The following BCAS4 variants were observed in gnomAD, a reference collection of about 807,000 sequenced individuals.
BCAS4 encodes breast carcinoma-amplified sequence 4.
BCAS4 carries 9 observed loss-of-function variants against 15.7 expected under a neutral mutation model. That is an observed-to-expected ratio of 0.57 (90% CI 0.34 to 1.00). BCAS4 has a LOEUF of 1.00. BCAS4 is among the 50% of genes least tolerant of loss of function. BCAS4 has a pLI of 0.02. For missense variants in BCAS4, 225 were observed against 239.1 expected (o/e 0.94, Z 0.39); for synonymous variants, 101 against 99.5 (o/e 1.02, Z -0.09).
chr20:50,844,756 C>T (rs76528625), intron 4 of BCAS4, among the ~76,000 whole-genome samples: 79 of 149,938 alleles, frequency 5.3e-4, no homozygotes, highest in African/African-American at 4.5e-4. Flanking sequence ...CATCCCCCCC[C>T]GGGGTGTGGC....
chr20:50,878,954 C>T (rs1231454136), downstream of BCAS4: 1 of 151,526 alleles, frequency 6.6e-6, no homozygotes, highest in Non-Finnish European at 1.5e-5. Flanking sequence ...ACCCCCACCC[C>T]AGGCTGACAG....
chr20:50,799,238 A>G (rs1289385418), intron 1 of BCAS4, among the ~76,000 whole-genome samples: 1 of 151,820 alleles, frequency 6.6e-6, no homozygotes, highest in East Asian at 1.9e-4. Context: ...TATTCATTTC[A>G]TTTTCTCACT....
At chr20:50,831,155 G>A (rs975856456) in intron 3 of BCAS4, among the ~76,000 whole-genome samples, 1 of 152,142 alleles carries the variant, frequency 6.6e-6, no homozygotes, top group Admixed American at 6.5e-5. Context: ...GAGGCTGGGC[G>A]CAGTGGCTCA....
At chr20:50,818,027 C>T (rs937054852) in intron 1 of BCAS4, among the ~76,000 whole-genome samples, 184 bp from the exon 2 acceptor site, 1 of 151,828 alleles carries the variant, frequency 6.6e-6, no homozygotes, top group African/African-American at 2.4e-5. Flanking sequence ...ACCAGTCCTC[C>T]GTGATGGGCG....
chr20:50,803,425 A>G (rs1011403870), intron 1 of BCAS4, among the ~76,000 whole-genome samples: 2 of 152,162 alleles, frequency 1.3e-5, no homozygotes, highest in Non-Finnish European at 2.9e-5. Context: ...ATGCATCTAT[A>G]AACAGGAGAT....
rs148492215 is a variant in BCAS4, at chr20:50,871,307, G to A, written c.400-5179G>A. ...GCCATGATAGTCCAAGAGAGAACGG[G>A]TGTGAAAGTGGTTTCCATGGCATGC... On this transcript the variant is annotated intron_variant, in intron 4 of 4. Coordinates refer to ENST00000371608, the MANE Select transcript of BCAS4 (RefSeq NM_198799.4). Among the ~76,000 whole-genome samples, 1,025 of 152,304 alleles carry A rather than the reference G, an allele frequency of 6.7e-3. 14 individuals are homozygous for A. Among genetic ancestry groups the A allele is most frequent in the African/African-American group, 0.024 (988 of 41,560 alleles).
chr20:50,794,956 G>A (rs2087831119), upstream of BCAS4: 8 of 1,199,802 alleles, frequency 6.7e-6, no homozygotes, highest in South Asian at 4.1e-5. Context: ...ACCGCCGGGA[G>A]CGCACCTGCC....
At chr20:50,809,337 A>G (rs772350466) in intron 1 of BCAS4, among the ~76,000 whole-genome samples, 22 of 152,066 alleles carry the variant, frequency 1.4e-4, no homozygotes, top group African/African-American at 2.7e-4. Flanking sequence ...AGTGTCCCCA[A>G]TAGCTGGGAT....
chr20:50,843,065 TCCTC>T (rs2088503733), intron 4 of BCAS4, among the ~76,000 whole-genome samples: 1 of 152,090 alleles, frequency 6.6e-6, no homozygotes, highest in South Asian at 2.1e-4. Context: ...GCTCAAGTGA[TCCTC>T]CCACCTTAGC....
intron 3 of BCAS4, among the ~76,000 whole-genome samples, chr20:50,839,371 A>T (rs967920827): frequency 2.6e-5 from 4 of 152,156 alleles, no homozygotes; most frequent in African/African-American, 4.8e-5. Context: ...ATTTTTTTTT[A>T]AAGTGTAGAT....
intron 4 of BCAS4, among the ~76,000 whole-genome samples, chr20:50,856,778 T>G (rs1289957035): frequency 6.6e-6 from 1 of 152,188 alleles, no homozygotes; most frequent in East Asian, 1.9e-4. Flanking sequence ...TGTGGCCTCC[T>G]ATAAGCTCTC....
intron 1 of BCAS4, among the ~76,000 whole-genome samples, chr20:50,801,144 G>A (rs191542159): frequency 2.6e-5 from 4 of 152,160 alleles, no homozygotes; most frequent in Admixed American, 2.6e-4. Flanking sequence ...CTGTGATGGG[G>A]GGCCGGGCGC....
intron 1 of BCAS4, among the ~76,000 whole-genome samples, chr20:50,810,539 G>A (rs2088047464): frequency 1.3e-5 from 2 of 151,990 alleles, no homozygotes; most frequent in African/African-American, 2.4e-5. Flanking sequence ...ATTCTGGTGG[G>A]GAAGATGACA....
chr20:50,881,411 A>G (rs1980114759), downstream of BCAS4: 1 of 152,230 alleles, frequency 6.6e-6, no homozygotes, highest in African/African-American at 2.4e-5. Context: ...AAGCAAATTC[A>G]AAAGATAGAT....
intron 4 of BCAS4, among the ~76,000 whole-genome samples, chr20:50,854,762 C>A (rs1053187869): frequency 6.6e-6 from 1 of 152,192 alleles, no homozygotes; most frequent in Non-Finnish European, 1.5e-5. Flanking sequence ...GTTCCAAACC[C>A]CCCCCACCAT....
intron 2 of BCAS4, 80 bp downstream of exon 2, chr20:50,818,362 T>C: frequency 7.0e-7 from 1 of 1,431,476 alleles, no homozygotes; most frequent in Non-Finnish European, 9.6e-7. Flanking sequence ...CGGAAGCCAT[T>C]TTGGTGGTGA....
intron 4 of BCAS4, among the ~76,000 whole-genome samples, chr20:50,873,395 A>G (rs1979753462): frequency 6.6e-6 from 1 of 152,208 alleles, no homozygotes; most frequent in South Asian, 2.1e-4. Flanking sequence ...CTGGGTCCTC[A>G]GGACCAGGAG....
chr20:50,849,080 C>T (rs974467355), intron 4 of BCAS4, among the ~76,000 whole-genome samples: 3 of 152,248 alleles, frequency 2.0e-5, no homozygotes, highest in Non-Finnish European at 4.4e-5. Flanking sequence ...CTTGGCCGGG[C>T]CAGCTTCCTG....
chr20:50,819,944 G>C (rs1243497928), intron 2 of BCAS4, among the ~76,000 whole-genome samples: 11 of 151,966 alleles, frequency 7.2e-5, no homozygotes, highest in Admixed American at 7.2e-4. Flanking sequence ...TCTGCCTCCC[G>C]GGTTCAAGTG....
Sources: allele counts gnomAD v4.1 joint callset (sites outside exome capture counted in the v4.1 genomes callset), GRCh38; gene constraint gnomAD v4.1.1; transcripts MANE v1.5; gene names NCBI Gene and HGNC (gene_info 2026-07-23, HGNC 2026-07-21).